The following ANO2 variants were observed in gnomAD, a reference collection of about 807,000 sequenced individuals.
ANO2 encodes anoctamin 2, also known as anoctamin-2.
ANO2 carries 101 observed loss-of-function variants against 124.2 expected under a neutral mutation model. The observed-to-expected ratio is 0.81, with a 90% CI of 0.69 to 0.96. The LOEUF is 0.96. Ranked by LOEUF, ANO2 falls within the 40% of genes least tolerant of loss-of-function variation. ANO2 has a pLI of 0.00. For synonymous variants in ANO2, 486 were observed against 482.5 expected (o/e 1.01, Z -0.09); for missense variants, 1,293 against 1,274.5 (o/e 1.01, Z -0.22).
At chr12:5,697,425 C>G (rs569556211) in intron 14 of ANO2, among the ~76,000 whole-genome samples, 1 of 152,026 alleles carries the variant, frequency 6.6e-6, no homozygotes, top group East Asian at 1.9e-4. Context: ...GAGCAAGACT[C>G]AGTCTCAAAA....
At chr12:5,923,096 A>ACACACACACG (rs1941829034) in intron 1 of ANO2, among the ~76,000 whole-genome samples, 2 of 63,234 alleles carry the variant, frequency 3.2e-5, no homozygotes, top group Middle Eastern at 8.2e-3. Context: ...ACACACACGC[A>ACACACACACG]CACACATACA....
chr12:5,638,887 G>A (rs898686550), intron 15 of ANO2, among the ~76,000 whole-genome samples: 1 of 152,118 alleles, frequency 6.6e-6, no homozygotes, highest in African/African-American at 2.4e-5. Context: ...CCTACTTGAC[G>A]CCAAGAGAGA....
intron 3 of ANO2, among the ~76,000 whole-genome samples, chr12:5,872,481 C>T (rs1484082713): frequency 6.6e-6 from 1 of 152,164 alleles, no homozygotes; most frequent in South Asian, 2.1e-4. Context: ...AAGGCTTCAC[C>T]TCAAATCAGT....
chr12:5,565,822 C>A (rs1419472318), intron 23 of ANO2, among the ~76,000 whole-genome samples, 159 bp from the exon 24 acceptor site: 1 of 152,124 alleles, frequency 6.6e-6, no homozygotes, highest in Non-Finnish European at 1.5e-5. Context: ...TATGGCCTAA[C>A]CAACAAATTT....
At chr12:5,786,916 A>G (rs1275405653) in intron 10 of ANO2, among the ~76,000 whole-genome samples, 3 of 152,222 alleles carry the variant, frequency 2.0e-5, no homozygotes, top group Non-Finnish European at 4.4e-5. Context: ...GGCATGGTAA[A>G]CTGGTCCTTG....
intron 10 of ANO2, among the ~76,000 whole-genome samples, chr12:5,786,417 A>C (rs1266101232): frequency 6.6e-6 from 1 of 152,160 alleles, no homozygotes; most frequent in African/African-American, 2.4e-5. Flanking sequence ...ACAGTGGCAC[A>C]CATTAAAGGC....
chr12:5,832,523 G>T lies in ANO2; in HGVS notation c.714C>A (p.Pro238=), dbSNP rs749434920. The T allele has an allele frequency of 3.7e-6, 6 of 1,613,956 alleles. No individual in the cohort carries two copies. The South Asian group carries it at 6.6e-5, about 18-fold the overall frequency. The change falls in exon 5 of 25, where the codon CCC becomes CCA. Residue 238 remains proline (P), a synonymous_variant. Coordinates refer to ENST00000682330, the MANE Select transcript of ANO2 (RefSeq NM_001364791.2). The part of the protein sequence containing the change: ...ALQKLSSHLQ[P]RVPEHSNNKM... ...TGTTGTTGCTGTGTTCTGGAACTCG[G>T]GGCTGCAGGTGCGAGCTCAGCTTCT...
chr12:5,685,948 G>A (rs1316277403), intron 14 of ANO2, among the ~76,000 whole-genome samples: 17 of 152,156 alleles, frequency 1.1e-4, no homozygotes, highest in East Asian at 5.8e-4. Flanking sequence ...CAGTCCCACC[G>A]CTGGAGCAGC....
At chr12:5,683,964 C>T (rs1948604244) in intron 14 of ANO2, among the ~76,000 whole-genome samples, 1 of 152,162 alleles carries the variant, frequency 6.6e-6, no homozygotes, top group South Asian at 2.1e-4. Flanking sequence ...TTGGGTCCTT[C>T]CTGGGTAGCA....
intron 10 of ANO2, among the ~76,000 whole-genome samples, chr12:5,777,461 G>A (rs1420266252): frequency 6.6e-6 from 1 of 152,162 alleles, no homozygotes; most frequent in Non-Finnish European, 1.5e-5. Context: ...TCCTTTCAAA[G>A]CCTGGCAAGT....
intron 7 of ANO2, among the ~76,000 whole-genome samples, chr12:5,820,971 C>A (rs1384244835): frequency 3.3e-5 from 5 of 152,232 alleles, no homozygotes; most frequent in Non-Finnish European, 7.3e-5. Context: ...CTTCAGCTGG[C>A]AAGGCCATTA....
chr12:5,621,572 G>T (rs1458683122), intron 16 of ANO2, among the ~76,000 whole-genome samples: 1 of 152,196 alleles, frequency 6.6e-6, no homozygotes, highest in African/African-American at 2.4e-5. Context: ...ACAGGTGCGG[G>T]GAGGGCCCGC....
chr12:5,678,033 G>A (rs1362723497), intron 14 of ANO2, among the ~76,000 whole-genome samples: 6 of 152,150 alleles, frequency 3.9e-5, no homozygotes, highest in African/African-American at 1.4e-4. Context: ...GGAAGAGTGA[G>A]AATGAGGGCA....
chr12:5,695,619 T>C (rs1949135755), intron 14 of ANO2, among the ~76,000 whole-genome samples: 2 of 152,200 alleles, frequency 1.3e-5, no homozygotes, highest in South Asian at 4.1e-4. Flanking sequence ...GGCAGGCAGA[T>C]CACCTGAGGT....
chr12:5,591,989 G>T (rs1176402405), intron 20 of ANO2, among the ~76,000 whole-genome samples: 1 of 152,142 alleles, frequency 6.6e-6, no homozygotes, highest in Non-Finnish European at 1.5e-5. Flanking sequence ...TGACCCCTTA[G>T]GGAAAGGAAT....
At chr12:5,680,685 C>A (rs1256004718) in intron 14 of ANO2, among the ~76,000 whole-genome samples, 1 of 152,154 alleles carries the variant, frequency 6.6e-6, no homozygotes, top group African/African-American at 2.4e-5. Context: ...TGAGCACCTG[C>A]CAGAAATATG....
At chr12:5,708,967 G>A (rs1303537002) in intron 14 of ANO2, among the ~76,000 whole-genome samples, 5 of 152,200 alleles carry the variant, frequency 3.3e-5, no homozygotes, top group Non-Finnish European at 4.4e-5. Context: ...TGGACTGTAA[G>A]CTTCATGACG....
At chr12:5,719,052 C>A (rs1038027262) in intron 14 of ANO2, among the ~76,000 whole-genome samples, 1 of 152,212 alleles carries the variant, frequency 6.6e-6, no homozygotes, top group Non-Finnish European at 1.5e-5. Flanking sequence ...TAAATTCCCT[C>A]CACTGAACTC....
intron 14 of ANO2, among the ~76,000 whole-genome samples, chr12:5,699,749 A>C (rs1489859052): frequency 2.0e-5 from 3 of 152,196 alleles, no homozygotes; most frequent in African/African-American, 7.2e-5. Context: ...AGGAAGATCT[A>C]CCAAGCAAAT....
Sources: allele counts gnomAD v4.1 joint callset (sites outside exome capture counted in the v4.1 genomes callset), GRCh38; gene constraint gnomAD v4.1.1; transcripts MANE v1.5; gene names NCBI Gene and HGNC (gene_info 2026-07-23, HGNC 2026-07-21).